SYNE2: variants seen among roughly 807,000 people sequenced by gnomAD.
The protein encoded by SYNE2 is nesprin-2.
In SYNE2, 431 loss-of-function variants were observed where a neutral mutation model predicts 856.3. The observed-to-expected ratio is 0.50, with a 90% confidence interval of 0.47 to 0.55. The LOEUF is 0.55. Among genes scored for constraint, SYNE2 ranks in the 20% least tolerant of loss-of-function variants. The pLI is 0.00. For missense variants in SYNE2, 8,129 were observed against 8,023.2 expected (o/e 1.01, Z -0.50); for synonymous variants, 2,923 against 2,872.3 (o/e 1.02, Z -0.56).
intron 83 of SYNE2, 28 bp from the exon 84 acceptor site, chr14:64,146,040 A>G (rs927961375): frequency 2.7e-6 from 4 of 1,485,150 alleles, no homozygotes; most frequent in South Asian, 1.3e-5. Flanking sequence ...ACATTTTAAC[A>G]TTTTTTGTAA....
At position 64,087,804 on chromosome 14, in the gene SYNE2, C is replaced by T; in HGVS notation, c.11618C>T (p.Ala3873Val). The T allele has an allele frequency of 6.2e-7, 1 of 1,614,118 alleles. No individual in the cohort carries two copies. The highest frequency in any genetic ancestry group is 1.1e-5 in the South Asian group (1 of 91,084). ...SIQELSNQVT[A>V]LQQKIMESLP... Reference sequence around the variant, plus strand: ...CAAGAGTTAAGTAATCAAGTAACAGCTTTACAACAAAAAATAATGGAAAGC... The same window carrying T: ...CAAGAGTTAAGTAATCAAGTAACAGTTTTACAACAAAAAATAATGGAAAGC... The change falls in exon 58 of 116, where the codon GCT becomes GTT. Residue 3873 changes from alanine (A) to valine (V), a missense_variant. Physicochemically the swap from Ala to Val is moderately conservative, Grantham distance 64 (BLOSUM62 0). Coordinates refer to ENST00000555002, the MANE Select transcript of SYNE2 (RefSeq NM_182914.3).
intron 11 of SYNE2, among the ~76,000 whole-genome samples, chr14:63,968,123 A>G (rs2096420580): frequency 6.6e-6 from 1 of 152,142 alleles, no homozygotes; most frequent in African/African-American, 2.4e-5. Flanking sequence ...GGATCGTACC[A>G]CTGCTCTCCA....
chr14:63,894,077 G>C (rs368538684), intron 1 of SYNE2, among the ~76,000 whole-genome samples: 10 of 152,024 alleles, frequency 6.6e-5, no homozygotes, highest in South Asian at 2.1e-4. Context: ...CTAATTATTT[G>C]TTTCTTTTCA....
chr14:63,949,424 A>G (rs1467330243), intron 6 of SYNE2, among the ~76,000 whole-genome samples: 3 of 151,800 alleles, frequency 2.0e-5, no homozygotes, highest in South Asian at 2.1e-4. Context: ...CTTTTTTTCT[A>G]TGTGTACATT....
intron 45 of SYNE2, 64 bp from the exon 46 acceptor site, chr14:64,047,936 A>G: frequency 6.4e-7 from 1 of 1,554,198 alleles, no homozygotes; most frequent in Non-Finnish European, 8.8e-7. Context: ...TTTCATCAAG[A>G]AAAATAAAAA....
At chr14:63,974,886 G>GTATATATATATA (rs1315971121) in intron 11 of SYNE2, among the ~76,000 whole-genome samples, 134 of 26,194 alleles carry the variant, frequency 5.1e-3, no homozygotes, top group Non-Finnish European at 7.8e-3. Flanking sequence ...GTGTGTGTGT[G>GTATATATATATA]TGTGTGTATA....
chr14:63,827,904 T>A (rs1445563294), intron 1 of SYNE2, among the ~76,000 whole-genome samples: 2 of 150,756 alleles, frequency 1.3e-5, no homozygotes, highest in Admixed American at 1.3e-4. Context: ...AGATTGAAAA[T>A]ATTTGGGGCT....
At chr14:63,811,662 A>G (rs372701348) in intron 1 of SYNE2, among the ~76,000 whole-genome samples, 5 of 152,270 alleles carry the variant, frequency 3.3e-5, no homozygotes, top group Admixed American at 6.5e-5. Flanking sequence ...GGTTCTTTCT[A>G]TTTTCCCTAA....
At chr14:64,062,696 TTTA>T in intron 49 of SYNE2, 52 bp from the exon 50 acceptor site, 1 of 1,489,222 alleles carries the variant, frequency 6.7e-7, no homozygotes, top group Non-Finnish European at 9.3e-7. Context: ...AAATTTTGAA[TTTA>T]TTGTGTTAAA....
intron 64 of SYNE2, among the ~76,000 whole-genome samples, chr14:64,103,028 A>T (rs749987499): frequency 2.6e-5 from 4 of 152,134 alleles, no homozygotes; most frequent in African/African-American, 4.8e-5. Flanking sequence ...TATATATGCC[A>T]CATGTTCTTT....
chr14:64,076,602 C>A (rs900897350), intron 54 of SYNE2, among the ~76,000 whole-genome samples: 6 of 151,896 alleles, frequency 4.0e-5, no homozygotes, highest in Non-Finnish European at 5.9e-5. Context: ...ACCTGAAAGT[C>A]CAGATTTAAA....
chr14:64,065,499 T>A lies in SYNE2; in HGVS notation c.10280T>A (p.Leu3427Ter). The stretch of plus-strand genomic sequence containing the variant: ...AAACTACGACAGATCCTTAGACTCT[T>A]GAGACTCAGGTGCACAGAAAATGAT... ...LMKLRQILRL[L>*]RLRCTENDGI... Residue 3427 changes from leucine (L) to a stop codon, truncating the protein, a stop_gained, in exon 51 of 116, where the codon TTG (leucine) becomes TAG (stop). Coordinates refer to ENST00000555002, the MANE Select transcript of SYNE2 (RefSeq NM_182914.3). LOFTEE classifies it high-confidence loss of function. 6.2e-7 allele frequency: 1 copy of A among 1,614,160 alleles called. No homozygotes were observed. The highest frequency in any genetic ancestry group is 8.5e-7 in the Non-Finnish European group (1 of 1,180,022).
At chr14:64,158,875 G>C in intron 86 of SYNE2, 80 bp downstream of exon 86, 2 of 1,449,436 alleles carry the variant, frequency 1.4e-6, no homozygotes, top group East Asian at 4.5e-5. Flanking sequence ...GGGCATAACT[G>C]TGTTTGTGCC....
intron 1 of SYNE2, among the ~76,000 whole-genome samples, chr14:63,887,668 C>G (rs1287350250): frequency 2.6e-5 from 4 of 152,108 alleles, no homozygotes; most frequent in Non-Finnish European, 5.9e-5. Context: ...TTTTTTCCCC[C>G]CCATTCCTAG....
intron 1 of SYNE2, among the ~76,000 whole-genome samples, chr14:63,838,286 G>A (rs1455034616): frequency 6.6e-6 from 1 of 152,006 alleles, no homozygotes; most frequent in Non-Finnish European, 1.5e-5. Flanking sequence ...TGTAGTGAGC[G>A]AGATTATGCC....
chr14:63,924,131 CT>C (rs2095632332), intron 2 of SYNE2, among the ~76,000 whole-genome samples: 1 of 152,102 alleles, frequency 6.6e-6, no homozygotes, highest in Non-Finnish European at 1.5e-5. Context: ...TTCCTACTGA[CT>C]TTTCTTGGCA....
At chr14:63,913,028 G>A (rs2095491516) in intron 2 of SYNE2, among the ~76,000 whole-genome samples, 1 of 151,806 alleles carries the variant, frequency 6.6e-6, no homozygotes, top group Non-Finnish European at 1.5e-5. Flanking sequence ...CAAACTCCTG[G>A]GCTCAAGTGA....
rs2097928240 is a variant in SYNE2 at position 64,124,993 on chromosome 14, A to G, written c.13423-86A>G. Reference sequence around the variant, plus strand: ...ACTCCAGCCTGGGCGACAGAGCAAGACTCCATCTCGAAAATAAAAAAATAA... The same window carrying G: ...ACTCCAGCCTGGGCGACAGAGCAAGGCTCCATCTCGAAAATAAAAAAATAA... On this transcript the variant is annotated intron_variant, in intron 70 of 115. Coordinates refer to ENST00000555002, the MANE Select transcript of SYNE2 (RefSeq NM_182914.3). 4.5e-6 allele frequency: 7 copies of G among 1,550,452 alleles called. No homozygotes were observed. The South Asian group carries it at 8.1e-5, about 18-fold the overall frequency.
At chr14:63,876,451 A>AT (rs746357177) in intron 1 of SYNE2, among the ~76,000 whole-genome samples, 3 of 150,320 alleles carry the variant, frequency 2.0e-5, no homozygotes, top group Non-Finnish European at 4.4e-5. Context: ...ATACCATTAT[A>AT]TTTTTTTTAA....
Sources: allele counts gnomAD v4.1 joint callset (sites outside exome capture counted in the v4.1 genomes callset), GRCh38; gene constraint gnomAD v4.1.1; transcripts MANE v1.5; gene names NCBI Gene and HGNC (gene_info 2026-07-23, HGNC 2026-07-21).